Variants in ARL15 observed in about 807,000 individuals in gnomAD.
ARL15 encodes the protein ADP-ribosylation factor-like protein 15.
ARL15 carries 19 observed loss-of-function variants against 25.2 expected under a neutral mutation model. That is an observed-to-expected ratio of 0.75 (90% CI 0.53 to 1.10). ARL15 has a LOEUF of 1.10. Among genes scored for constraint, ARL15 ranks in the 50% least tolerant of loss-of-function variants. ARL15 has a pLI of 0.00. For missense variants in ARL15, 220 were observed against 246.0 expected, an observed-to-expected ratio of 0.89 and a Z score of 0.71; for synonymous variants, 94 against 86.8, an observed-to-expected ratio of 1.08 and a Z score of -0.46.
intron 1 of ARL15, among the ~76,000 whole-genome samples, chr5:54,260,252 G>A (rs13184316): frequency 0.16 from 23,902 of 152,098 alleles, 2,452 homozygotes; most frequent in Non-Finnish European, 0.23. Flanking sequence ...GAGCTTAAAT[G>A]CAAACCAGCT....
At chr5:54,046,352 G>A (rs6878416) in intron 4 of ARL15, among the ~76,000 whole-genome samples, 5,948 of 152,128 alleles carry the variant, frequency 0.039, 389 homozygotes, top group African/African-American at 0.13. Flanking sequence ...ATGGTGGCAT[G>A]TGCCTGTAAT....
At chr5:54,235,442 G>A (rs576112530) in intron 1 of ARL15, among the ~76,000 whole-genome samples, 2 of 151,726 alleles carry the variant, frequency 1.3e-5, no homozygotes, top group South Asian at 2.1e-4. Context: ...AAAAATGTAC[G>A]CACGTGTACC....
chr5:53,943,297 G>A (rs1176201143), intron 4 of ARL15, among the ~76,000 whole-genome samples: 2 of 152,188 alleles, frequency 1.3e-5, no homozygotes, highest in Non-Finnish European at 2.9e-5. Context: ...GTAAGAAAGT[G>A]TGTGTAAAAG....
At chr5:53,945,552 C>A (rs1746698522) in intron 4 of ARL15, among the ~76,000 whole-genome samples, 1 of 61,482 alleles carries the variant, frequency 1.6e-5, no homozygotes, top group African/African-American at 6.2e-5. Context: ...TAAACCAAGA[C>A]AGAATAAGAG....
At chr5:54,103,484 A>T (rs1242422041) in intron 4 of ARL15, among the ~76,000 whole-genome samples, 2 of 152,300 alleles carry the variant, frequency 1.3e-5, no homozygotes, top group East Asian at 3.9e-4. Context: ...GGCTGAATAT[A>T]AAATTCTATA....
rs193011707 is a variant in ARL15 at position 54,048,895 on chromosome 5, C to T, written c.462+64307G>A. ...CATCACTGTGGCCCACCAGTCAGAG[C>T]AGGAGTTAGTGGAGGTCAGGTGATC... On this transcript the variant is annotated intron_variant, in intron 4 of 4. Transcript: ENST00000504924. Among the ~76,000 whole-genome samples, 818 of 151,864 alleles carry T rather than the reference C, an allele frequency of 5.4e-3. 5 individuals carry two copies. The highest frequency in any genetic ancestry group is 8.1e-3 in the Non-Finnish European group (549 of 67,978).
At chr5:54,156,473 AT>A (rs1292282779) in intron 2 of ARL15, among the ~76,000 whole-genome samples, 1 of 152,198 alleles carries the variant, frequency 6.6e-6, no homozygotes, top group Non-Finnish European at 1.5e-5. Flanking sequence ...TTATGTTTCC[AT>A]TGATGCTTTT....
intron 4 of ARL15, among the ~76,000 whole-genome samples, chr5:54,068,612 A>G (rs1272383663): frequency 6.6e-6 from 1 of 152,202 alleles, no homozygotes. Flanking sequence ...AATCCTATTA[A>G]TAGGCAGCAA....
intron 4 of ARL15, among the ~76,000 whole-genome samples, chr5:53,997,341 C>T (rs566203755): frequency 2.0e-5 from 3 of 152,274 alleles, no homozygotes; most frequent in South Asian, 2.1e-4. Context: ...CTAGCCACAG[C>T]ATTCAAAATC....
intron 4 of ARL15, among the ~76,000 whole-genome samples, chr5:54,030,009 A>C (rs1274026253): frequency 6.6e-6 from 1 of 151,992 alleles, no homozygotes; most frequent in East Asian, 1.9e-4. Context: ...ATAAATAAAT[A>C]AATAAAATAA....
chr5:54,274,567 C>G (rs1264313114), intron 1 of ARL15, among the ~76,000 whole-genome samples: 2 of 152,106 alleles, frequency 1.3e-5, no homozygotes, highest in African/African-American at 4.8e-5. Flanking sequence ...TGTTCTCACT[C>G]TAATTGAGAA....
chr5:54,270,706 G>A (rs562230040), intron 1 of ARL15, among the ~76,000 whole-genome samples: 3 of 152,324 alleles, frequency 2.0e-5, no homozygotes, highest in Admixed American at 6.5e-5. Context: ...ACCTGCCTGA[G>A]CCTCCTGTGG....
intron 2 of ARL15, among the ~76,000 whole-genome samples, chr5:54,161,248 A>G (rs374947921): frequency 2.8e-4 from 43 of 152,170 alleles, no homozygotes; most frequent in African/African-American, 9.2e-4. Context: ...TGCTTTATGC[A>G]TATAGTTTCC....
chr5:54,060,214 C>A (rs974774476), intron 4 of ARL15, among the ~76,000 whole-genome samples: 1 of 150,250 alleles, frequency 6.7e-6, no homozygotes, highest in African/African-American at 2.5e-5. Context: ...GTGGGTGGAT[C>A]ATGAGGTCAG....
At chr5:54,085,810 AC>A (rs1285946207) in intron 4 of ARL15, among the ~76,000 whole-genome samples, 1 of 152,138 alleles carries the variant, frequency 6.6e-6, no homozygotes, top group Non-Finnish European at 1.5e-5. Context: ...ATAGGTGGTA[AC>A]CACGGCTTAG....
chr5:54,208,284 C>A (rs972249153), intron 1 of ARL15, among the ~76,000 whole-genome samples: 2 of 151,990 alleles, frequency 1.3e-5, no homozygotes, highest in Non-Finnish European at 2.9e-5. Flanking sequence ...AACTGCCAGG[C>A]GTCTAAGAAG....
chr5:53,935,743 G>GT (rs1245062163), intron 4 of ARL15, among the ~76,000 whole-genome samples: 5 of 152,032 alleles, frequency 3.3e-5, no homozygotes, highest in African/African-American at 7.2e-5. Flanking sequence ...TCTGAGGTTT[G>GT]TTTTTTTGTT....
At chr5:54,236,406 A>T (rs1756807465) in intron 1 of ARL15, among the ~76,000 whole-genome samples, 1 of 127,622 alleles carries the variant, frequency 7.8e-6, no homozygotes, top group East Asian at 2.4e-4. Flanking sequence ...AACTAAACAC[A>T]GACACACACA....
intron 4 of ARL15, among the ~76,000 whole-genome samples, chr5:54,093,430 C>T (rs1579792006): frequency 6.6e-5 from 10 of 152,062 alleles, no homozygotes; most frequent in Admixed American, 6.6e-4. Flanking sequence ...TGTGACAGAG[C>T]CTGCTCATTC....
Sources: allele counts gnomAD v4.1 joint callset (sites outside exome capture counted in the v4.1 genomes callset), GRCh38; gene constraint gnomAD v4.1.1; transcripts MANE v1.5; gene names NCBI Gene and HGNC (gene_info 2026-07-23, HGNC 2026-07-21).